The following TSPEAR variants were observed in gnomAD, a reference collection of about 807,000 sequenced individuals.
The protein encoded by TSPEAR is thrombospondin type laminin G domain and EAR repeats, also known as thrombospondin-type laminin G domain and EAR repeat-containing protein.
A neutral mutation model predicts 71.6 loss-of-function variants in TSPEAR; 69 were observed. That is an observed-to-expected ratio of 0.96 (90% CI 0.79 to 1.18). The LOEUF is 1.18. Among genes scored for constraint, TSPEAR ranks in the 50% most tolerant of loss-of-function variants. The pLI, the probability that TSPEAR is intolerant of heterozygous loss-of-function variation, is 0.00. For missense variants in TSPEAR, 971 were observed against 894.9 expected (o/e 1.09, Z -1.09); for synonymous variants, 402 against 387.2 (o/e 1.04, Z -0.45).
Position 44,549,025 on chromosome 21 carries a change from G to A in TSPEAR, c.304-15102C>T, listed in dbSNP as rs782430282. 1.6e-4 allele frequency among the ~76,000 whole-genome samples: 24 copies of A among 152,324 alleles called. 1 individual carries two copies. Among genetic ancestry groups the A allele is most frequent in the Admixed American group, 4.6e-4 (7 of 15,306 alleles). On this transcript the variant is annotated intron_variant, in intron 2 of 11. Transcript: ENST00000323084. Reference sequence around the variant, plus strand: ...GCAGAGAAGTGCCTCTCACGTGGCCGGTTGCCACGAGAGCACACAGAACAA... The same window carrying A: ...GCAGAGAAGTGCCTCTCACGTGGCCAGTTGCCACGAGAGCACACAGAACAA...
intron 1 of TSPEAR, chr21:44,637,837 C>G (rs782063257): frequency 7.2e-7 from 1 of 1,384,462 alleles, no homozygotes; most frequent in Admixed American, 2.0e-5. Context: ...GCACCTCCTC[C>G]CCATGCCAGC....
intron 1 of TSPEAR, among the ~76,000 whole-genome samples, chr21:44,706,339 C>A (rs1313566439): frequency 1.3e-5 from 2 of 151,298 alleles, no homozygotes; most frequent in Non-Finnish European, 3.0e-5. Flanking sequence ...ACGTGCACAC[C>A]CCCATGCACA....
intron 1 of TSPEAR, chr21:44,575,268 G>T: frequency 1.9e-6 from 1 of 539,898 alleles, no homozygotes; most frequent in Non-Finnish European, 3.4e-6. Context: ...GGTCAGTTCA[G>T]CCTTGACCCG....
chr21:44,677,634 T>C (rs1455127038), intron 1 of TSPEAR: 12 of 1,182,214 alleles, frequency 1.0e-5, no homozygotes, highest in Non-Finnish European at 1.5e-5. Context: ...TTCCTCATGC[T>C]GAACCCCAGG....
At chr21:44,575,111 C>A in intron 1 of TSPEAR, 1 of 1,168,106 alleles carries the variant, frequency 8.6e-7, no homozygotes, top group African/African-American at 1.5e-5. Context: ...GCACTTTGAC[C>A]ATTTCCTGGT....
intron 1 of TSPEAR, among the ~76,000 whole-genome samples, chr21:44,643,438 T>G (rs1365919820): frequency 1.3e-5 from 2 of 152,194 alleles, no homozygotes; most frequent in African/African-American, 4.8e-5. Context: ...GGTAACTACA[T>G]GGGGTGATGG....
chr21:44,614,922 G>A (rs73907064), intron 1 of TSPEAR, among the ~76,000 whole-genome samples: 3,798 of 152,218 alleles, frequency 0.025, 158 homozygotes, highest in African/African-American at 0.086. Context: ...ATGAGACATC[G>A]GCACCCCTGG....
intron 3 of TSPEAR, among the ~76,000 whole-genome samples, chr21:44,531,707 C>T (rs2052976273): frequency 6.6e-6 from 1 of 152,168 alleles, no homozygotes; most frequent in South Asian, 2.1e-4. Flanking sequence ...GCCCACTCAC[C>T]CTCCCTCCAC....
At chr21:44,511,487 C>T (rs587718599) in intron 9 of TSPEAR, among the ~76,000 whole-genome samples, 4 of 152,354 alleles carry the variant, frequency 2.6e-5, no homozygotes, top group East Asian at 1.9e-4. Context: ...CCTACACACA[C>T]GTATGTATGC....
intron 1 of TSPEAR, among the ~76,000 whole-genome samples, chr21:44,686,148 T>C (rs182821857): frequency 1.9e-3 from 289 of 152,174 alleles, no homozygotes; most frequent in African/African-American, 5.9e-3. Context: ...ATCCATGAGG[T>C]GGACCCCTGG....
intron 1 of TSPEAR, among the ~76,000 whole-genome samples, chr21:44,689,466 C>T (rs1223437977): frequency 1.3e-5 from 2 of 150,468 alleles, no homozygotes; most frequent in Non-Finnish European, 3.0e-5. Context: ...CATGCCACTG[C>T]ACTCCAGCCT....
At chr21:44,700,264 A>C (rs1439470533) in intron 1 of TSPEAR, among the ~76,000 whole-genome samples, 1 of 152,234 alleles carries the variant, frequency 6.6e-6, no homozygotes, top group Admixed American at 6.5e-5. Context: ...GCTGGAGAGC[A>C]GGAAGAAAAG....
chr21:44,522,093 G>T lies in TSPEAR; in HGVS notation c.1356C>A (p.Asp452Glu), dbSNP rs202064846. ...CCGGGTTCCACTTGTAGATGACACT[G>T]TCGATGTTGTGGTTGTCGCCTGGAA... The part of the protein sequence containing the change: ...NHREGDNHNI[D>E]SVIYKWNPAT... The change falls in exon 9 of 12, where the codon GAC (aspartate) becomes GAA (glutamate). Residue 452 changes from aspartate (D) to glutamate (E), a missense_variant. Physicochemically the swap from Asp to Glu is conservative, Grantham distance 45. Coordinates refer to ENST00000323084, the MANE Select transcript of TSPEAR (RefSeq NM_144991.3). 10 of 1,614,072 alleles carry T rather than the reference G, an allele frequency of 6.2e-6. No individual in the cohort carries two copies. In the South Asian group the frequency reaches 1.1e-4, roughly 18 times the overall value.
chr21:44,501,596 C>G (rs2052032077), intron 11 of TSPEAR, among the ~76,000 whole-genome samples: 1 of 151,860 alleles, frequency 6.6e-6, no homozygotes, highest in Non-Finnish European at 1.5e-5. Flanking sequence ...GACTCCATCT[C>G]CAAAAAGAAA....
chr21:44,680,875 G>A (rs565049356), intron 1 of TSPEAR, among the ~76,000 whole-genome samples: 1 of 152,328 alleles, frequency 6.6e-6, no homozygotes, highest in Admixed American at 6.5e-5. Context: ...GTGTGTTAGA[G>A]GAGAAGTGAG....
intron 1 of TSPEAR, among the ~76,000 whole-genome samples, chr21:44,569,419 CCCTGGCTGCAGGACGCTGCCTGGG>C (rs1161717979): frequency 6.6e-6 from 1 of 152,154 alleles, no homozygotes; most frequent in Non-Finnish European, 1.5e-5. Context: ...GCCGTGAGCA[CCCTGGCTGCAGGACGCTGCCTGGG>C]CCTGGCCCAG....
At chr21:44,581,733 C>T (rs140597819) in intron 1 of TSPEAR, among the ~76,000 whole-genome samples, 329 of 152,310 alleles carry the variant, frequency 2.2e-3, no homozygotes, top group Non-Finnish European at 3.4e-3. Flanking sequence ...TTTTGTCTCA[C>T]GATGAATGAA....
chr21:44,566,098 T>C (rs1162806737), intron 2 of TSPEAR, among the ~76,000 whole-genome samples: 2 of 152,176 alleles, frequency 1.3e-5, no homozygotes, highest in Non-Finnish European at 2.9e-5. Flanking sequence ...GAGAATCGCT[T>C]GAACCCAGGA....
intron 1 of TSPEAR, chr21:44,637,660 G>C (rs782570877): frequency 6.3e-7 from 1 of 1,581,788 alleles, no homozygotes; most frequent in East Asian, 2.3e-5. Context: ...CTAGCTGCCA[G>C]CCGGATTGCT....
Sources: allele counts gnomAD v4.1 joint callset (sites outside exome capture counted in the v4.1 genomes callset), GRCh38; gene constraint gnomAD v4.1.1; transcripts MANE v1.5; gene names NCBI Gene and HGNC (gene_info 2026-07-23, HGNC 2026-07-21).